Variants in SNX13 observed in about 807,000 individuals in gnomAD.
SNX13 encodes sorting nexin 13, also known as sorting nexin-13.
Under a neutral mutation model 133.6 loss-of-function variants are expected in SNX13, and 45 were observed. The observed-to-expected ratio is 0.34, with a 90% CI of 0.27 to 0.43. The LOEUF is 0.43. Among genes scored for constraint, SNX13 ranks in the 20% least tolerant of loss-of-function variants. The pLI is 1.00. For missense variants in SNX13, 1,032 were observed against 1,145.1 expected, an observed-to-expected ratio of 0.90 and a Z score of 1.43; for synonymous variants, 414 against 373.9, an observed-to-expected ratio of 1.11 and a Z score of -1.24.
At chr7:17,796,755 T>A in intron 25 of SNX13, 72 bp downstream of exon 25, 1 of 1,078,074 alleles carries the variant, frequency 9.3e-7, no homozygotes, top group Non-Finnish European at 1.4e-6. Flanking sequence ...GCAGTTACAC[T>A]GGCATGATGA....
chr7:17,828,608 T>G (rs1420138034), intron 16 of SNX13, among the ~76,000 whole-genome samples: 1 of 151,644 alleles, frequency 6.6e-6, no homozygotes, highest in Non-Finnish European at 1.5e-5. Flanking sequence ...ATGCAGATAT[T>G]CACTAAAATT....
rs1178924027 is a variant in SNX13, at chr7:17,790,978, G to A, written c.*3067C>T. On this transcript the variant is annotated 3_prime_UTR_variant, in exon 26 of 26. Coordinates refer to ENST00000428135, the MANE Select transcript of SNX13 (RefSeq NM_015132.5). ...TTTAACAATTATAATCCTAAAATGT[G>A]CTCTTCATATTTTTTCCCTTGTAAT... 1.3e-5 allele frequency: 2 copies of A among 151,936 alleles called. No individual in the cohort carries two copies. Among genetic ancestry groups the A allele is most frequent in the African/African-American group, 4.8e-5 (2 of 41,418 alleles). The allele number at this position is 151,936 out of a possible 1,614,324, so 9.4% of individuals were successfully genotyped here.
Position 17,798,949 on chromosome 7 carries a change from GAAGT to G in SNX13, c.2444+56_2444+59del, listed in dbSNP as rs1410854319. 1.2e-5 allele frequency: 19 copies of G among 1,544,956 alleles called. No homozygotes were observed. The African/African-American group carries it at 2.1e-4, about 17-fold the overall frequency. ...ACAAAGGTTGAGCAATCTACTTCCAGAAGTAAGAGTTTAATAGCTAAGTAAGATC... is the reference window on the plus strand; with the variant it reads ...ACAAAGGTTGAGCAATCTACTTCCAGAAGAGTTTAATAGCTAAGTAAGATC... On this transcript the variant is annotated intron_variant, in intron 23 of 25. Coordinates refer to ENST00000428135, the MANE Select transcript of SNX13 (RefSeq NM_015132.5).
intron 1 of SNX13, among the ~76,000 whole-genome samples, chr7:17,928,909 T>A (rs116139470): frequency 6.6e-6 from 1 of 152,324 alleles, no homozygotes; most frequent in African/African-American, 2.4e-5. Context: ...GAGAAAATTA[T>A]ACTGGGCTCT....
intron 20 of SNX13, among the ~76,000 whole-genome samples, 153 bp downstream of exon 20, chr7:17,814,681 T>C (rs1786449009): frequency 6.6e-6 from 1 of 152,172 alleles, no homozygotes; most frequent in African/African-American, 2.4e-5. Flanking sequence ...TATATGTAGA[T>C]ATTCCTACCA....
At chr7:17,909,245 C>A in intron 1 of SNX13, among the ~76,000 whole-genome samples, 1 of 152,182 alleles carries the variant, frequency 6.6e-6, no homozygotes, top group East Asian at 1.9e-4. Flanking sequence ...ATGCTTTACA[C>A]TGTTGGTGGG....
intron 15 of SNX13, 113 bp downstream of exon 15, chr7:17,833,939 A>AC (rs752472117): frequency 7.0e-5 from 49 of 704,896 alleles, no homozygotes; most frequent in Non-Finnish European, 9.9e-5. Context: ...TTAATATATT[A>AC]CAGTTTATAT....
At chr7:17,868,136 GAC>G in intron 9 of SNX13, 1 of 333,760 alleles carries the variant, frequency 3.0e-6, no homozygotes, top group South Asian at 4.0e-5. Flanking sequence ...ATCATCTATA[GAC>G]ACAGGTAGTA....
chr7:17,929,578 C>T (rs987791580), intron 1 of SNX13, among the ~76,000 whole-genome samples: 2 of 152,086 alleles, frequency 1.3e-5, no homozygotes, highest in African/African-American at 4.8e-5. Flanking sequence ...GACAATTCAA[C>T]AGAAGAGCTT....
At chr7:17,925,296 G>C (rs1272335297) in intron 1 of SNX13, among the ~76,000 whole-genome samples, 1 of 152,146 alleles carries the variant, frequency 6.6e-6, no homozygotes, top group East Asian at 1.9e-4. Flanking sequence ...AAAAGGAGGA[G>C]GGGTCTTCAG....
intron 25 of SNX13, chr7:17,795,155 C>T (rs994039763): frequency 1.3e-5 from 2 of 151,372 alleles, no homozygotes; most frequent in Admixed American, 6.6e-5. Flanking sequence ...AATAGAAAAC[C>T]GATGGTGCTG....
chr7:17,810,147 C>T (rs560563043), intron 20 of SNX13, among the ~76,000 whole-genome samples: 10 of 151,860 alleles, frequency 6.6e-5, no homozygotes, highest in African/African-American at 1.9e-4. Context: ...GATAGAGACA[C>T]GAAAAACGCT....
chr7:17,868,386 G>A (rs764387958), intron 9 of SNX13, 21 bp downstream of exon 9: 4 of 1,542,760 alleles, frequency 2.6e-6, no homozygotes, highest in Non-Finnish European at 3.5e-6. Flanking sequence ...AAACAGAGTT[G>A]TAATTTTAAA....
At chr7:17,831,286 A>G in intron 15 of SNX13, 1 of 964,176 alleles carries the variant, frequency 1.0e-6, no homozygotes. Context: ...ACTGTTCAAC[A>G]TGGTGAGACA....
chr7:17,890,061 A>G (rs984585627), intron 5 of SNX13: 4 of 200,754 alleles, frequency 2.0e-5, no homozygotes, highest in Non-Finnish European at 4.0e-5. Flanking sequence ...GGAGGGGGGA[A>G]GTAGCAATAA....
At position 17,893,202 on chromosome 7, in the gene SNX13, T is replaced by C. The variant is rs985638362; in HGVS notation, c.228+130A>G. The C allele has an allele frequency of 1.0e-5, 6 of 572,776 alleles. No individual in the cohort carries two copies. The African/African-American group carries it at 1.2e-4, about 11-fold the overall frequency. The allele number at this position is 572,776 out of a possible 1,614,324, so 35.5% of individuals were successfully genotyped here. A position where few individuals can be genotyped will look rare whatever the true frequency, so the allele number is the denominator to read the frequency against. ...ATATTTTCTAAGTATAATTAGACAA[T>C]CTCACATAAATTCCCAGTGAGCATT... On this transcript the variant is annotated intron_variant, in intron 3 of 25. Transcript: ENST00000428135.
intron 9 of SNX13, among the ~76,000 whole-genome samples, chr7:17,864,654 G>A (rs1003486364): frequency 6.6e-6 from 1 of 152,024 alleles, no homozygotes; most frequent in African/African-American, 2.4e-5. Context: ...CCAGGTACAA[G>A]AAGGTCGAAA....
At chr7:17,819,986 G>A (rs1787108451) in intron 18 of SNX13, among the ~76,000 whole-genome samples, 3 of 151,996 alleles carry the variant, frequency 2.0e-5, no homozygotes, top group Admixed American at 2.0e-4. Flanking sequence ...AAAAGAAATT[G>A]TGCTGTATCA....
At chr7:17,877,458 T>C (rs1316566974) in intron 5 of SNX13, among the ~76,000 whole-genome samples, 1 of 152,086 alleles carries the variant, frequency 6.6e-6, no homozygotes, top group African/African-American at 2.4e-5. Context: ...TCATCCATAC[T>C]GAAAATTTTA....
Sources: allele counts gnomAD v4.1 joint callset (sites outside exome capture counted in the v4.1 genomes callset), GRCh38; gene constraint gnomAD v4.1.1; transcripts MANE v1.5; gene names NCBI Gene and HGNC (gene_info 2026-07-23, HGNC 2026-07-21).